Variants in USH2A observed in about 807,000 individuals in gnomAD.
USH2A encodes the protein Usher syndrome 2A (autosomal recessive, mild).
USH2A carries 443 observed loss-of-function variants against 538.9 expected under a neutral mutation model. The observed-to-expected ratio is 0.82, with a 90% CI of 0.76 to 0.89. USH2A has a LOEUF of 0.89. USH2A is among the 40% of genes least tolerant of loss of function. USH2A has a pLI of 0.00. For missense variants in USH2A, 6,633 were observed against 6,324.8 expected, an observed-to-expected ratio of 1.05 and a Z score of -1.65; for synonymous variants, 2,413 against 2,273.5, an observed-to-expected ratio of 1.06 and a Z score of -1.75.
At chr1:216,094,330 G>A (rs986510615) in intron 22 of USH2A, among the ~76,000 whole-genome samples, 3 of 151,942 alleles carry the variant, frequency 2.0e-5, no homozygotes, top group East Asian at 1.9e-4. Flanking sequence ...TTTATTTAAC[G>A]AAAACAAAAC....
intron 66 of USH2A, 148 bp downstream of exon 66, chr1:215,648,380 G>A: frequency 2.5e-6 from 2 of 803,532 alleles, no homozygotes; most frequent in Admixed American, 1.9e-5. Context: ...CTTTGCTATA[G>A]ATATCTGTTC....
chr1:216,137,235 A>T (rs2102607450), intron 21 of USH2A, among the ~76,000 whole-genome samples: 1 of 152,328 alleles, frequency 6.6e-6, no homozygotes, highest in Middle Eastern at 3.4e-3. Flanking sequence ...GAGATGGAAC[A>T]GTGCCTGTAT....
At chr1:216,040,156 C>A (rs574492389) in intron 32 of USH2A, among the ~76,000 whole-genome samples, 1 of 151,820 alleles carries the variant, frequency 6.6e-6, no homozygotes, top group South Asian at 2.1e-4. Flanking sequence ...AAATCCAGGT[C>A]CTGATGGAAC....
chr1:216,052,497 A>G (rs1350203936), intron 30 of USH2A, among the ~76,000 whole-genome samples: 1 of 152,154 alleles, frequency 6.6e-6, no homozygotes, highest in Non-Finnish European at 1.5e-5. Flanking sequence ...CTAAGGCTGG[A>G]GTGCCATTTC....
chr1:215,948,441 TATAC>T (rs1024260057), intron 37 of USH2A, among the ~76,000 whole-genome samples: 28 of 147,786 alleles, frequency 1.9e-4, no homozygotes, highest in African/African-American at 3.0e-4. Flanking sequence ...TATATATATA[TATAC>T]ACACACACAC....
intron 32 of USH2A, among the ~76,000 whole-genome samples, chr1:216,021,432 T>C (rs1313788164): frequency 6.6e-6 from 1 of 152,160 alleles, no homozygotes; most frequent in Non-Finnish European, 1.5e-5. Context: ...CATCTCTTGC[T>C]CTTCTGCCAT....
intron 32 of USH2A, among the ~76,000 whole-genome samples, chr1:216,039,946 T>G (rs2030192010): frequency 6.6e-6 from 1 of 151,734 alleles, no homozygotes. Flanking sequence ...CATAAATAAT[T>G]ATTGCCTATA....
intron 30 of USH2A, among the ~76,000 whole-genome samples, 173 bp from the exon 31 acceptor site, chr1:216,048,820 T>C (rs1338610091): frequency 6.6e-6 from 1 of 152,166 alleles, no homozygotes; most frequent in Non-Finnish European, 1.5e-5. Flanking sequence ...TTTCTGCTGA[T>C]TGTTGAATGG....
intron 44 of USH2A, 36 bp downstream of exon 44, chr1:215,866,971 A>G: frequency 6.2e-7 from 1 of 1,613,906 alleles, no homozygotes; most frequent in Non-Finnish European, 8.5e-7. Flanking sequence ...TTAAAAATAC[A>G]CAAAGTGTTA....
intron 11 of USH2A, among the ~76,000 whole-genome samples, chr1:216,285,784 T>G (rs1274134754): frequency 6.6e-6 from 1 of 152,236 alleles, no homozygotes; most frequent in Admixed American, 6.5e-5. Context: ...CAGCATGCCC[T>G]GGATGTAAGA....
At chr1:216,191,157 A>G (rs931595718) in intron 19 of USH2A, among the ~76,000 whole-genome samples, 3 of 152,054 alleles carry the variant, frequency 2.0e-5, no homozygotes, top group Non-Finnish European at 4.4e-5. Context: ...AAAGGCCACT[A>G]GAAATTATAT....
Position 215,779,907 on chromosome 1 carries a change from G to C in USH2A, c.10875C>G (p.Ile3625Met). 1 of 1,614,056 alleles carries C rather than the reference G, an allele frequency of 6.2e-7. No homozygotes were observed. The highest frequency in any genetic ancestry group is 8.5e-7 in the Non-Finnish European group (1 of 1,180,012). The change falls in exon 55 of 72, where the codon ATC becomes ATG. Residue 3625 changes from isoleucine (I) to methionine (M), a missense_variant. Transcript: ENST00000307340. Reference protein sequence around the residue: ...KSNGVIKEYQIRQVGKGLIHT... With the variant: ...KSNGVIKEYQMRQVGKGLIHT... The stretch of plus-strand genomic sequence containing the variant: ...GGATGAGACCTTTCCCAACCTGCCT[G>C]ATCTGGTACTCTTTAATGACGCCGT...
chr1:216,098,043 A>G (rs1411148191), intron 21 of USH2A, among the ~76,000 whole-genome samples: 2 of 150,960 alleles, frequency 1.3e-5, no homozygotes, highest in Non-Finnish European at 2.9e-5. Flanking sequence ...CTCCAGTCCT[A>G]TGAATGATGC....
intron 32 of USH2A, among the ~76,000 whole-genome samples, chr1:216,011,085 C>A (rs11120714): frequency 2.6e-5 from 4 of 151,426 alleles, no homozygotes; most frequent in Non-Finnish European, 5.9e-5. Flanking sequence ...CCTTACAATT[C>A]CCCCATTTTA....
At chr1:216,033,391 A>G (rs192581563) in intron 32 of USH2A, among the ~76,000 whole-genome samples, 2 of 152,356 alleles carry the variant, frequency 1.3e-5, no homozygotes, top group East Asian at 3.9e-4. Context: ...TGATTCAGCC[A>G]TGTAAAGAAC....
intron 32 of USH2A, among the ~76,000 whole-genome samples, chr1:216,037,714 C>T (rs1388626568): frequency 6.6e-6 from 1 of 151,740 alleles, no homozygotes; most frequent in Non-Finnish European, 1.5e-5. Context: ...TTTAGGGGTA[C>T]AAGGGCAGGC....
At chr1:215,896,552 G>A (rs1270703258) in intron 40 of USH2A, among the ~76,000 whole-genome samples, 1 of 152,090 alleles carries the variant, frequency 6.6e-6, no homozygotes, top group African/African-American at 2.4e-5. Flanking sequence ...GATTTCGGTA[G>A]GCAAAAGAAT....
chr1:216,012,881 C>CA (rs1392425460), intron 32 of USH2A, among the ~76,000 whole-genome samples: 1 of 151,984 alleles, frequency 6.6e-6, no homozygotes, highest in Non-Finnish European at 1.5e-5. Context: ...GACTGTGCCC[C>CA]AAAAAAACTT....
intron 3 of USH2A, among the ~76,000 whole-genome samples, chr1:216,372,997 C>T (rs955512953): frequency 1.3e-5 from 2 of 152,148 alleles, no homozygotes; most frequent in Non-Finnish European, 1.5e-5. Context: ...GTTATAACTA[C>T]AATGTCCTCT....
Sources: gnomAD v4.1 joint callset for allele counts (sites outside exome capture counted in the v4.1 genomes callset) on GRCh38, gnomAD v4.1.1 for gene constraint, MANE v1.5 for transcripts, NCBI Gene and HGNC (gene_info 2026-07-23, HGNC 2026-07-21) for gene names.